The following ZSWIM5 variants were observed in gnomAD, a reference collection of about 807,000 sequenced individuals.
The protein encoded by ZSWIM5 is zinc finger SWIM-type containing 5.
A neutral mutation model predicts 119.6 loss-of-function variants in ZSWIM5; 55 were observed. The observed-to-expected ratio is 0.46, with a 90% CI of 0.37 to 0.58. The LOEUF (loss-of-function observed/expected upper bound fraction) is 0.58, where lower values mean the gene tolerates loss of function less well. ZSWIM5 is among the 20% of genes least tolerant of loss of function. The pLI is 0.00. For synonymous variants in ZSWIM5, 537 were observed against 606.9 expected, an observed-to-expected ratio of 0.88 and a Z score of 1.69; for missense variants, 1,193 against 1,512.8, an observed-to-expected ratio of 0.79 and a Z score of 3.51.
At chr1:45,116,276 A>AT (rs750301864) in intron 1 of ZSWIM5, among the ~76,000 whole-genome samples, 10 of 152,192 alleles carry the variant, frequency 6.6e-5, no homozygotes, top group Non-Finnish European at 1.5e-4. Context: ...ACTGGTTGCA[A>AT]TTCCCCAGAC....
chr1:45,058,944 C>A lies in ZSWIM5; in HGVS notation c.1102-185G>T, dbSNP rs1645138312. 2.0e-5 allele frequency among the ~76,000 whole-genome samples: 3 copies of A among 152,094 alleles called. No individual in the cohort carries two copies. The South Asian group carries it at 6.2e-4, about 32-fold the overall frequency. ...ATGTACCAAGAAAGCCTGATGTTCA[C>A]AATAAGATACCACTTCACACCCACT... On this transcript the variant is annotated intron_variant, in intron 3 of 13. Transcript: ENST00000359600.
chr1:45,136,143 G>A (rs531914675), intron 1 of ZSWIM5, among the ~76,000 whole-genome samples: 45 of 152,140 alleles, frequency 3.0e-4, no homozygotes, highest in African/African-American at 1.0e-3. Flanking sequence ...TTACAGGCGT[G>A]AGCCACTGTG....
chr1:45,185,617 A>G (rs1168455255), intron 1 of ZSWIM5, among the ~76,000 whole-genome samples: 1 of 152,208 alleles, frequency 6.6e-6, no homozygotes, highest in East Asian at 1.9e-4. Flanking sequence ...TTCTCAAAAG[A>G]AGACATTTAT....
chr1:45,168,158 G>A (rs1374448508), intron 1 of ZSWIM5, among the ~76,000 whole-genome samples: 1 of 152,066 alleles, frequency 6.6e-6, no homozygotes, highest in Non-Finnish European at 1.5e-5. Context: ...AAAAGGGTGA[G>A]TTCATGTCCT....
intron 8 of ZSWIM5, among the ~76,000 whole-genome samples, chr1:45,037,967 G>A (rs2050869): frequency 0.24 from 36,949 of 152,058 alleles, 4,845 homozygotes; most frequent in East Asian, 0.38. Context: ...TAAGTGCTAG[G>A]AACACAAAGA....
intron 1 of ZSWIM5, among the ~76,000 whole-genome samples, chr1:45,172,846 G>C (rs1645954597): frequency 6.6e-6 from 1 of 152,068 alleles, no homozygotes; most frequent in Non-Finnish European, 1.5e-5. Flanking sequence ...TCTTCAGAAT[G>C]TTGTGCCTCT....
At chr1:45,123,583 C>T (rs1464514715) in intron 1 of ZSWIM5, among the ~76,000 whole-genome samples, 1 of 151,942 alleles carries the variant, frequency 6.6e-6, no homozygotes, top group East Asian at 1.9e-4. Context: ...TAAAACAAAA[C>T]AAAACAGAAA....
rs6688062 is a variant in ZSWIM5 at position 45,136,178 on chromosome 1, G to A, written c.596-47941C>T. On this transcript the variant is annotated intron_variant, in intron 1 of 13. Coordinates refer to ENST00000359600, the MANE Select transcript of ZSWIM5 (RefSeq NM_020883.2). ...GCCCAGCCTCAATGTGTGAAGTCTT[G>A]GTAGGGCTTTTTATTATTTAGAAAA... 1.0e-2 allele frequency among the ~76,000 whole-genome samples: 1,518 copies of A among 152,092 alleles called. 29 individuals are homozygous for A. The highest frequency in any genetic ancestry group is 0.035 in the African/African-American group (1,456 of 41,500).
chr1:45,117,255 A>G (rs1645563837), intron 1 of ZSWIM5, among the ~76,000 whole-genome samples: 1 of 152,246 alleles, frequency 6.6e-6, no homozygotes, highest in African/African-American at 2.4e-5. Context: ...GTTTGTATCC[A>G]GTCACTGGTT....
intron 1 of ZSWIM5, among the ~76,000 whole-genome samples, chr1:45,195,638 T>C (rs748733752): frequency 1.3e-5 from 2 of 152,144 alleles, no homozygotes; most frequent in Non-Finnish European, 2.9e-5. Context: ...ATAGTAACAA[T>C]GACAATTTTT....
At chr1:45,031,404 G>A (rs996296337) in intron 11 of ZSWIM5, among the ~76,000 whole-genome samples, 9 of 150,342 alleles carry the variant, frequency 6.0e-5, no homozygotes, top group East Asian at 2.0e-4. Context: ...GGCTGGTCTC[G>A]AACTCCTGGC....
chr1:45,152,852 G>A (rs1158881583), intron 1 of ZSWIM5, among the ~76,000 whole-genome samples: 2 of 151,744 alleles, frequency 1.3e-5, no homozygotes, highest in Admixed American at 6.6e-5. Context: ...CTCAATCTAC[G>A]CATCTGACAA....
intron 2 of ZSWIM5, among the ~76,000 whole-genome samples, chr1:45,071,534 C>A (rs928678149): frequency 1.4e-5 from 2 of 146,424 alleles, no homozygotes; most frequent in African/African-American, 2.6e-5. Flanking sequence ...TGGCTCACTG[C>A]AGCCTTAACC....
chr1:45,076,765 G>C (rs1279874643), intron 2 of ZSWIM5, among the ~76,000 whole-genome samples: 1 of 151,878 alleles, frequency 6.6e-6, no homozygotes, highest in Non-Finnish European at 1.5e-5. Flanking sequence ...CTATATTCTA[G>C]ATCTTGTAGG....
At chr1:45,173,560 GATTAAGA>G (rs778984212) in intron 1 of ZSWIM5, among the ~76,000 whole-genome samples, 1 of 152,032 alleles carries the variant, frequency 6.6e-6, no homozygotes, top group Non-Finnish European at 1.5e-5. Flanking sequence ...ACTGAACAGT[GATTAAGA>G]TTTTGAACAC....
At position 45,087,857 on chromosome 1, in the gene ZSWIM5, TCAATAAAA is replaced by T; in HGVS notation, c.952+16_952+23del. 1 of 1,545,380 alleles carries T rather than the reference TCAATAAAA, an allele frequency of 6.5e-7. No individual in the cohort carries two copies. The highest frequency in any genetic ancestry group is 1.9e-5 in the Admixed American group (1 of 52,320). The stretch of plus-strand genomic sequence containing the variant: ...GTGGTGATGAAAAAGACCTTTTTTT[TCAATAAAA>T]AAGTTGTACAATTACCATTCACTTG... On this transcript the variant is annotated intron_variant, in intron 2 of 13. Coordinates refer to ENST00000359600, the MANE Select transcript of ZSWIM5 (RefSeq NM_020883.2).
intron 1 of ZSWIM5, among the ~76,000 whole-genome samples, chr1:45,179,020 CAAACAATTAAAAAATGAAATAAAGG>C (rs1645998410): frequency 6.6e-6 from 1 of 151,652 alleles, no homozygotes. Flanking sequence ...ACACTAGCAA[CAAACAATTAAAAAATGAAATAAAGG>C]AAACAATTCC....
chr1:45,091,614 A>T (rs1277539463), intron 1 of ZSWIM5, among the ~76,000 whole-genome samples: 1 of 152,142 alleles, frequency 6.6e-6, no homozygotes, highest in African/African-American at 2.4e-5. Context: ...ATAAGCCATG[A>T]TGACACCACT....
chr1:45,055,923 G>A (rs1179871766), intron 4 of ZSWIM5, among the ~76,000 whole-genome samples: 1 of 152,170 alleles, frequency 6.6e-6, no homozygotes, highest in Non-Finnish European at 1.5e-5. Flanking sequence ...GAGGCTAGGA[G>A]TTCAAGACCA....
Sources: gnomAD v4.1 joint callset for allele counts (sites outside exome capture counted in the v4.1 genomes callset) on GRCh38, gnomAD v4.1.1 for gene constraint, MANE v1.5 for transcripts, NCBI Gene and HGNC (gene_info 2026-07-23, HGNC 2026-07-21) for gene names.